Variants in FBXO25 observed in about 807,000 individuals in gnomAD.
FBXO25 encodes the protein F-box protein 25.
In FBXO25, 45 loss-of-function variants were observed where a neutral mutation model predicts 51.9. That is an observed-to-expected ratio of 0.87 (90% CI 0.68 to 1.11). The LOEUF is 1.11. FBXO25 is among the 50% of genes most tolerant of loss of function. The pLI, the probability that FBXO25 is intolerant of heterozygous loss-of-function variation, is 0.00. For missense variants in FBXO25, 507 were observed against 428.5 expected, an observed-to-expected ratio of 1.18 and a Z score of -1.62; for synonymous variants, 199 against 151.0, an observed-to-expected ratio of 1.32 and a Z score of -2.33.
intron 2 of FBXO25, among the ~76,000 whole-genome samples, chr8:423,395 C>A (rs182574451): frequency 6.6e-6 from 1 of 152,154 alleles, no homozygotes; most frequent in Non-Finnish European, 1.5e-5. Context: ...CAGATCCTGT[C>A]ACCTCGTTAG....
At chr8:462,241 G>A (rs948541399) in intron 8 of FBXO25, among the ~76,000 whole-genome samples, 5 of 152,172 alleles carry the variant, frequency 3.3e-5, no homozygotes, top group African/African-American at 9.7e-5. Flanking sequence ...GGATTCTAGA[G>A]CATCTTTTCA....
At chr8:419,800 T>G (rs188514923) in intron 2 of FBXO25, among the ~76,000 whole-genome samples, 26 of 152,014 alleles carry the variant, frequency 1.7e-4, no homozygotes, top group Non-Finnish European at 3.1e-4. Context: ...AGAAAAAAAA[T>G]CTATAATTTG....
chr8:455,975 C>G (rs945313724), intron 7 of FBXO25, among the ~76,000 whole-genome samples: 4 of 152,206 alleles, frequency 2.6e-5, no homozygotes, highest in Admixed American at 1.3e-4. Context: ...GTTGTCACAC[C>G]AGACTCTATA....
chr8:438,480 G>A (rs1798230113), intron 5 of FBXO25, among the ~76,000 whole-genome samples: 1 of 152,184 alleles, frequency 6.6e-6, no homozygotes, highest in African/African-American at 2.4e-5. Flanking sequence ...AGAATTTAGT[G>A]TTCAATTACA....
intron 5 of FBXO25, among the ~76,000 whole-genome samples, chr8:446,164 A>G (rs1157669472): frequency 6.6e-6 from 1 of 152,118 alleles, no homozygotes; most frequent in African/African-American, 2.4e-5. Flanking sequence ...AAGGAAAATC[A>G]TATCTTAGTG....
At chr8:444,610 C>G (rs912895352) in intron 5 of FBXO25, among the ~76,000 whole-genome samples, 22 of 152,152 alleles carry the variant, frequency 1.4e-4, no homozygotes, top group African/African-American at 5.3e-4. Context: ...TTCTCTTTAT[C>G]TAATTCTTCC....
chr8:450,045 A>G lies in FBXO25; in HGVS notation c.437A>G (p.Lys146Arg). 6.2e-7 allele frequency: 1 copy of G among 1,613,620 alleles called. No individual in the cohort carries two copies. Among genetic ancestry groups the G allele is most frequent in the Admixed American group, 1.7e-5 (1 of 59,894 alleles). ...QLTSLSGVAQ[K>R]NYFNILDKIV... ...ACTTCATTGAGTGGCGTGGCACAGA[A>G]GAATTACTTCAACATTTTGGATAAA... is the stretch of plus-strand genomic sequence containing the variant. Residue 146 changes from lysine to arginine, a missense_variant, in exon 6 of 10, where the codon AAG becomes AGG. Physicochemically the swap from Lys to Arg is conservative, Grantham distance 26 (BLOSUM62 2). Transcript: ENST00000350302.
intron 5 of FBXO25, among the ~76,000 whole-genome samples, chr8:436,427 C>G (rs1428987781): frequency 1.3e-5 from 2 of 152,174 alleles, no homozygotes; most frequent in Admixed American, 1.3e-4. Flanking sequence ...AAAAGTGCTA[C>G]TGGGAGGACC....
At chr8:449,381 G>A in intron 5 of FBXO25, among the ~76,000 whole-genome samples, 1 of 152,200 alleles carries the variant, frequency 6.6e-6, no homozygotes, top group Non-Finnish European at 1.5e-5. Context: ...CTACTTCGTG[G>A]GTTCTGTCAC....
chr8:461,865 A>G (rs12546599), intron 8 of FBXO25, among the ~76,000 whole-genome samples: 13,911 of 152,216 alleles, frequency 0.091, 845 homozygotes, highest in African/African-American at 0.17. Context: ...ATCCCCCTCT[A>G]TGTATATCCA....
chr8:474,499 C>T lies in FBXO25; in HGVS notation c.*5695C>T. 1.5e-5 allele frequency: 5 copies of T among 335,024 alleles called. No individual in the cohort carries two copies. The highest frequency in any genetic ancestry group is 1.2e-4 in the South Asian group (5 of 42,020). 20.8% of individuals were successfully genotyped at this position (335,024 alleles called of 1,614,324 possible). ...TAAGTGTTTTACACGGTGGCTGCAC[C>T]ATTTTACATTCCCACTGAAGGTTCC... On this transcript the variant is annotated 3_prime_UTR_variant, in exon 10 of 10. Coordinates refer to ENST00000350302, the MANE Select transcript of FBXO25 (RefSeq NM_183420.2).
chr8:457,983 A>T (rs1313316923), intron 7 of FBXO25, among the ~76,000 whole-genome samples: 1 of 152,186 alleles, frequency 6.6e-6, no homozygotes, highest in African/African-American at 2.4e-5. Context: ...GATGGGTGTC[A>T]TGTTGCCCTC....
Position 463,090 on chromosome 8 carries a change from G to T in FBXO25, c.927G>T (p.Ala309=). The stretch of plus-strand genomic sequence containing the variant: ...TTGCACTTCAGAAACATTACCCAGC[G>T]AAGGAGCAGTACGGAGACACACTGC... ...MYFALQKHYP[A]KEQYGDTLHF... The change falls in exon 9 of 10, where the codon GCG becomes GCT. Residue 309 remains alanine (A), a synonymous_variant. Coordinates refer to ENST00000350302, the MANE Select transcript of FBXO25 (RefSeq NM_183420.2). 1 of 1,613,996 alleles carries T rather than the reference G, an allele frequency of 6.2e-7. No individual in the cohort carries two copies. The highest frequency in any genetic ancestry group is 8.5e-7 in the Non-Finnish European group (1 of 1,179,996).
At chr8:421,459 A>G (rs548726248) in intron 2 of FBXO25, among the ~76,000 whole-genome samples, 1 of 152,204 alleles carries the variant, frequency 6.6e-6, no homozygotes, top group Non-Finnish European at 1.5e-5. Context: ...TGGTTAGTGC[A>G]CTTGTTTCTC....
chr8:464,014 G>C (rs1295322286), intron 9 of FBXO25, among the ~76,000 whole-genome samples: 1 of 152,086 alleles, frequency 6.6e-6, no homozygotes, highest in Non-Finnish European at 1.5e-5. Context: ...CACCCAGGCA[G>C]TTATGGGTGC....
intron 1 of FBXO25, among the ~76,000 whole-genome samples, chr8:409,519 T>A (rs1033227961): frequency 6.6e-6 from 1 of 152,216 alleles, no homozygotes; most frequent in African/African-American, 2.4e-5. Flanking sequence ...GAATTGGTTA[T>A]ATTAATGGAA....
chr8:437,584 T>G (rs772678753), intron 5 of FBXO25, among the ~76,000 whole-genome samples: 4 of 152,180 alleles, frequency 2.6e-5, no homozygotes, highest in Non-Finnish European at 5.9e-5. Flanking sequence ...TACCTTCTGC[T>G]AAAAACAAAA....
intron 2 of FBXO25, among the ~76,000 whole-genome samples, chr8:415,699 G>C (rs1280864713): frequency 6.6e-6 from 1 of 152,184 alleles, no homozygotes; most frequent in Non-Finnish European, 1.5e-5. Context: ...GGACTCTGAG[G>C]GTTCAGCTGG....
chr8:419,679 C>T (rs1464710893), intron 2 of FBXO25, among the ~76,000 whole-genome samples: 1 of 152,014 alleles, frequency 6.6e-6, no homozygotes, highest in African/African-American at 2.4e-5. Flanking sequence ...GATCATATAC[C>T]TAAATGTAGA....
Sources: gnomAD v4.1 joint callset for allele counts (sites outside exome capture counted in the v4.1 genomes callset) on GRCh38, gnomAD v4.1.1 for gene constraint, MANE v1.5 for transcripts, NCBI Gene and HGNC (gene_info 2026-07-23, HGNC 2026-07-21) for gene names.